Variants in EYA2 observed in about 807,000 individuals in gnomAD.
The protein encoded by EYA2 is EYA transcriptional coactivator and phosphatase 2.
EYA2 carries 31 observed loss-of-function variants against 69.2 expected under a neutral mutation model. The observed-to-expected ratio is 0.45, with a 90% CI of 0.34 to 0.60. The LOEUF (loss-of-function observed/expected upper bound fraction) is 0.60, where lower values mean the gene tolerates loss of function less well. Among genes scored for constraint, EYA2 ranks in the 20% least tolerant of loss-of-function variants. The pLI, the probability that EYA2 is intolerant of heterozygous loss-of-function variation, is 0.02. For missense variants in EYA2, 622 were observed against 701.2 expected (o/e 0.89, Z 1.28); for synonymous variants, 257 against 279.4 (o/e 0.92, Z 0.80).
chr20:47,160,262 T>C (rs6018309), intron 10 of EYA2, among the ~76,000 whole-genome samples: 1 of 151,984 alleles, frequency 6.6e-6, no homozygotes, highest in Non-Finnish European at 1.5e-5. Context: ...AAGGACCAGA[T>C]AGTAAATATT....
Position 47,122,348 on chromosome 20 carries a change from C to A in EYA2, c.889-20711C>A, listed in dbSNP as rs1285411167. On this transcript the variant is annotated intron_variant, in intron 9 of 15. Transcript: ENST00000327619. ...TTATTCTGTCGCCTAGGCTGGAGTG[C>A]AGTGGCACGATCTCAGCTCACTGCA... is the stretch of plus-strand genomic sequence containing the variant. Among the ~76,000 whole-genome samples the A allele has an allele frequency of 6.0e-5, 8 of 132,308 alleles. No homozygotes were observed. In the Admixed American group the frequency reaches 6.2e-4, roughly 10 times the overall value. The allele number at this position is 132,308 out of a possible 152,430, so 86.8% of individuals were successfully genotyped here. A position where few individuals can be genotyped will look rare whatever the true frequency, so the allele number is the denominator to read the frequency against.
At chr20:46,933,024 G>A (rs1358863673) in intron 1 of EYA2, among the ~76,000 whole-genome samples, 1 of 152,072 alleles carries the variant, frequency 6.6e-6, no homozygotes, top group African/African-American at 2.4e-5. Context: ...CCCCAGCCAC[G>A]CAGAACTGTG....
intron 10 of EYA2, among the ~76,000 whole-genome samples, chr20:47,143,418 G>T (rs973036672): frequency 6.6e-6 from 1 of 152,074 alleles, no homozygotes; most frequent in Admixed American, 6.6e-5. Flanking sequence ...GTGTCCACTG[G>T]CAGTTTTACT....
At chr20:47,171,162 C>T (rs1056390237) in intron 11 of EYA2, among the ~76,000 whole-genome samples, 5 of 151,810 alleles carry the variant, frequency 3.3e-5, no homozygotes, top group Non-Finnish European at 7.4e-5. Context: ...TGAGCAGCAC[C>T]GTTCTGTTTC....
intron 9 of EYA2, among the ~76,000 whole-genome samples, chr20:47,114,262 G>C (rs151088614): frequency 1.3e-3 from 197 of 152,304 alleles, no homozygotes; most frequent in Non-Finnish European, 2.5e-3. Context: ...TTTCACACAG[G>C]GTTTTCTGTC....
At chr20:46,974,505 T>C (rs1198434915) in intron 1 of EYA2, among the ~76,000 whole-genome samples, 3 of 152,090 alleles carry the variant, frequency 2.0e-5, no homozygotes, top group Non-Finnish European at 4.4e-5. Context: ...TGGTGTGGTA[T>C]CTGAAAGCAA....
intron 2 of EYA2, among the ~76,000 whole-genome samples, chr20:46,998,683 A>G (rs1982178454): frequency 6.6e-6 from 1 of 152,212 alleles, no homozygotes; most frequent in African/African-American, 2.4e-5. Context: ...TGAAGTCCAC[A>G]CCACCCTAAC....
chr20:47,134,599 C>T (rs1216943235), intron 9 of EYA2, among the ~76,000 whole-genome samples: 3 of 152,108 alleles, frequency 2.0e-5, no homozygotes, highest in African/African-American at 7.2e-5. Context: ...CAAACACACA[C>T]ACACCCCAAC....
At chr20:47,003,491 C>T (rs73305700) in intron 3 of EYA2, among the ~76,000 whole-genome samples, 2,732 of 152,338 alleles carry the variant, frequency 0.018, 78 homozygotes, top group African/African-American at 0.062. Context: ...GGCGTGCAGA[C>T]CCAGGTACGC....
chr20:46,974,810 G>A (rs910055517), intron 1 of EYA2, among the ~76,000 whole-genome samples: 1 of 152,036 alleles, frequency 6.6e-6, no homozygotes, highest in Non-Finnish European at 1.5e-5. Flanking sequence ...TTTGCTCCAG[G>A]GCCCTGCTGA....
intron 1 of EYA2, among the ~76,000 whole-genome samples, chr20:46,953,343 G>A (rs926460473): frequency 1.3e-5 from 2 of 152,194 alleles, no homozygotes; most frequent in Non-Finnish European, 2.9e-5. Flanking sequence ...CAGTGCTAAG[G>A]AAAGTGACAC....
intron 4 of EYA2, among the ~76,000 whole-genome samples, chr20:47,006,354 A>G (rs980951653): frequency 2.6e-5 from 4 of 152,206 alleles, no homozygotes; most frequent in African/African-American, 9.6e-5. Context: ...GCAGGAAGAA[A>G]CTACAGATAG....
At chr20:47,161,544 G>C in intron 10 of EYA2, 1 of 391,530 alleles carries the variant, frequency 2.6e-6, no homozygotes, top group Non-Finnish European at 5.0e-6. Context: ...GGGGATAGAC[G>C]TCCACTCCTT....
chr20:47,094,575 G>A (rs1416854077), intron 8 of EYA2, among the ~76,000 whole-genome samples: 4 of 152,198 alleles, frequency 2.6e-5, no homozygotes, highest in East Asian at 1.9e-4. Context: ...TGTTAATACA[G>A]CCATTGACCT....
At chr20:46,971,860 C>T (rs1011006729) in intron 1 of EYA2, among the ~76,000 whole-genome samples, 1 of 152,184 alleles carries the variant, frequency 6.6e-6, no homozygotes, top group Non-Finnish European at 1.5e-5. Context: ...ATATTCATTT[C>T]GCTGGTACTC....
rs974568495 is a variant in EYA2 at position 47,028,966 on chromosome 20, A to G, written c.415+12669A>G. ...AAAACAAATGCCAGAAATCTTTTATAAGAAATTTCCCAATTAAAAAGACTT... is the reference window on the plus strand; with the variant it reads ...AAAACAAATGCCAGAAATCTTTTATGAGAAATTTCCCAATTAAAAAGACTT... On this transcript the variant is annotated intron_variant, in intron 5 of 15. Transcript: ENST00000327619. 5.3e-5 allele frequency among the ~76,000 whole-genome samples: 8 copies of G among 152,252 alleles called. No individual in the cohort carries two copies. In the East Asian group the frequency reaches 1.2e-3, roughly 22 times the overall value.
intron 2 of EYA2, among the ~76,000 whole-genome samples, chr20:46,996,895 C>CA (rs763434359): frequency 8.5e-4 from 113 of 132,900 alleles, no homozygotes; most frequent in East Asian, 5.3e-3. Flanking sequence ...AACTCGGTCT[C>CA]AAAAAAAAAA....
chr20:47,149,628 C>T (rs895503680), intron 10 of EYA2, among the ~76,000 whole-genome samples: 5 of 147,310 alleles, frequency 3.4e-5, no homozygotes, highest in East Asian at 4.0e-4. Context: ...GGATCATTTG[C>T]GGTCAGGAGT....
intron 3 of EYA2, among the ~76,000 whole-genome samples, chr20:47,001,763 A>G (rs766524556): frequency 4.1e-5 from 6 of 144,914 alleles, no homozygotes; most frequent in Non-Finnish European, 9.0e-5. Context: ...CTTAGCTATT[A>G]TTTTCTTCTT....
Sources: allele counts gnomAD v4.1 joint callset (sites outside exome capture counted in the v4.1 genomes callset), GRCh38; gene constraint gnomAD v4.1.1; transcripts MANE v1.5; gene names NCBI Gene and HGNC (gene_info 2026-07-23, HGNC 2026-07-21).